Variants in NUB1 observed in about 807,000 individuals in gnomAD.
NUB1 encodes the protein negative regulator of ubiquitin like proteins 1, also known as NEDD8 ultimate buster 1.
In NUB1, 41 loss-of-function variants were observed where a neutral mutation model predicts 77.1. That is an observed-to-expected ratio of 0.53 (90% CI 0.41 to 0.69). The LOEUF (loss-of-function observed/expected upper bound fraction) is 0.69. Among genes scored for constraint, NUB1 ranks in the 30% least tolerant of loss-of-function variants. The probability of loss-of-function intolerance (pLI) is 0.00; values close to 1 mark genes in which losing one functional copy is unlikely to be tolerated. For synonymous variants in NUB1, 257 were observed against 281.0 expected, an observed-to-expected ratio of 0.91 and a Z score of 0.85; for missense variants, 643 against 743.8, an observed-to-expected ratio of 0.86 and a Z score of 1.58.
At chr7:151,371,566 G>A (rs1473586525) in intron 11 of NUB1, among the ~76,000 whole-genome samples, 4 of 152,166 alleles carry the variant, frequency 2.6e-5, no homozygotes, top group Non-Finnish European at 5.9e-5. Context: ...GCCACCTGGG[G>A]AGCTGGAGCA....
intron 14 of NUB1, 66 bp downstream of exon 14, chr7:151,376,877 C>T: frequency 6.7e-7 from 1 of 1,501,066 alleles, no homozygotes; most frequent in Non-Finnish European, 9.0e-7. Flanking sequence ...CAGATGTGGC[C>T]CTAAGCCACG....
At chr7:151,356,467 C>T (rs1409622315) in intron 7 of NUB1, among the ~76,000 whole-genome samples, 1 of 152,210 alleles carries the variant, frequency 6.6e-6, no homozygotes, top group Non-Finnish European at 1.5e-5. Context: ...TTTCAACATA[C>T]CTGAGGACAC....
chr7:151,375,784 A>C, intron 12 of NUB1, 64 bp from the exon 13 acceptor site: 7 of 1,048,368 alleles, frequency 6.7e-6, no homozygotes, highest in Non-Finnish European at 7.5e-6. Flanking sequence ...GGCAGGGTGC[A>C]GCGCCTGTCT....
At chr7:151,345,315 T>A in intron 1 of NUB1, 33 bp from the exon 2 acceptor site, 1 of 1,348,064 alleles carries the variant, frequency 7.4e-7, no homozygotes, top group Non-Finnish European at 1.1e-6. Flanking sequence ...AAATGCGATG[T>A]GGAGTTTTAT....
chr7:151,371,258 C>T (rs1289708510), intron 11 of NUB1, among the ~76,000 whole-genome samples: 4 of 152,062 alleles, frequency 2.6e-5, no homozygotes, highest in South Asian at 2.1e-4. Flanking sequence ...ATTTATTGGC[C>T]GTTTACTTGT....
Position 151,355,973 on chromosome 7 carries a change from C to A in NUB1, c.598+23C>A. On this transcript the variant is annotated intron_variant, in intron 6 of 14. Transcript: ENST00000568733. ...GAGGTACCCAGAGCTCTGGGCTTGTCACCCACTCAGCTGCTTGGGGGCAGC... is the reference window on the plus strand; with the variant it reads ...GAGGTACCCAGAGCTCTGGGCTTGTAACCCACTCAGCTGCTTGGGGGCAGC... 3 of 1,610,954 alleles carry A rather than the reference C, an allele frequency of 1.9e-6. No homozygotes were observed. In the South Asian group the frequency reaches 3.3e-5, roughly 18 times the overall value.
At chr7:151,344,049 C>T (rs1407007843) in intron 1 of NUB1, among the ~76,000 whole-genome samples, 2 of 150,536 alleles carry the variant, frequency 1.3e-5, no homozygotes, top group South Asian at 2.1e-4. Context: ...GGCGTGGTGG[C>T]GGGCGCCTGT....
At chr7:151,367,154 C>T (rs780426472) in intron 9 of NUB1, 29 bp downstream of exon 9, 25 of 1,554,788 alleles carry the variant, frequency 1.6e-5, no homozygotes, top group South Asian at 3.4e-5. Flanking sequence ...TCTTATGTCT[C>T]GTTGAGTCCA....
chr7:151,356,594 C>T (rs1797072379), intron 7 of NUB1, among the ~76,000 whole-genome samples: 1 of 152,182 alleles, frequency 6.6e-6, no homozygotes, highest in African/African-American at 2.4e-5. Context: ...GAAACTGTGT[C>T]GTTTGGGAAA....
chr7:151,348,966 G>A (rs970321220), intron 2 of NUB1, 107 bp from the exon 3 acceptor site: 8 of 944,762 alleles, frequency 8.5e-6, no homozygotes, highest in African/African-American at 3.3e-5. Flanking sequence ...GTAACGGGGC[G>A]ACCTCCACTC....
At position 151,341,850 on chromosome 7, in the gene NUB1, A is replaced by T; in HGVS notation, c.-3+4A>T. ...CGGCGGGAGTGGCGTGGCGCAGGTGAGGACACGGCGGCCGAGTGTCCTCGA... is the reference window on the plus strand; with the variant it reads ...CGGCGGGAGTGGCGTGGCGCAGGTGTGGACACGGCGGCCGAGTGTCCTCGA... On this transcript the variant is annotated splice_donor_region_variant and intron_variant, in intron 1 of 14. Transcript: ENST00000568733. The T allele has an allele frequency of 6.7e-7, 1 of 1,499,802 alleles. No homozygotes were observed. 92.9% of individuals were successfully genotyped at this position (1,499,802 alleles called of 1,614,324 possible).
rs1335145142 is a variant in NUB1, at chr7:151,376,779, C to T, written c.1637C>T (p.Ser546Phe). Residue 546 changes from serine (S) to phenylalanine (F), a missense_variant, in exon 14 of 15, where the codon TCC becomes TTC. Ser to Phe is a radical substitution (Grantham distance 155, BLOSUM62 -2). Coordinates refer to ENST00000568733, the MANE Select transcript of NUB1 (RefSeq NM_001243351.2). Reference sequence around the variant, plus strand: ...CCGCTGTCGCCAGAAGACTCTTTGTCCCCGCCAGCCACGTCCCCTTCTGAC... The same window carrying T: ...CCGCTGTCGCCAGAAGACTCTTTGTTCCCGCCAGCCACGTCCCCTTCTGAC... ...ELPLSPEDSL[S>F]PPATSPSDSA... 1.3e-6 allele frequency: 2 copies of T among 1,591,914 alleles called. No individual in the cohort carries two copies. Among genetic ancestry groups the T allele is most frequent in the Non-Finnish European group, 1.7e-6 (2 of 1,170,236 alleles).
intron 5 of NUB1, among the ~76,000 whole-genome samples, chr7:151,353,207 G>T (rs1326542923): frequency 6.6e-6 from 1 of 152,186 alleles, no homozygotes; most frequent in African/African-American, 2.4e-5. Context: ...GCTGTGTCAG[G>T]ACAGTGGGGA....
chr7:151,367,182 T>C (rs1222008659), intron 9 of NUB1, 57 bp downstream of exon 9: 19 of 1,425,266 alleles, frequency 1.3e-5, no homozygotes, highest in Middle Eastern at 1.8e-4. Context: ...CATTTGTGTT[T>C]ATTCCTGTTA....
At chr7:151,365,812 G>A (rs753413124) in intron 8 of NUB1, among the ~76,000 whole-genome samples, 13 of 152,060 alleles carry the variant, frequency 8.5e-5, no homozygotes, top group African/African-American at 2.4e-4. Context: ...TTTTCTTGCC[G>A]CACCCACAAC....
chr7:151,374,276 C>T (rs1798102170), intron 12 of NUB1, 33 bp downstream of exon 12: 2 of 1,549,844 alleles, frequency 1.3e-6, no homozygotes, highest in Non-Finnish European at 1.7e-6. Context: ...TGGCCTTGTC[C>T]CTGAGCAGTG....
At chr7:151,366,432 C>T (rs1372482407) in intron 8 of NUB1, among the ~76,000 whole-genome samples, 1 of 152,126 alleles carries the variant, frequency 6.6e-6, no homozygotes, top group Non-Finnish European at 1.5e-5. Context: ...ACACTAGAAT[C>T]AGCTGGGGAG....
At chr7:151,374,330 G>C (rs775250298) in intron 12 of NUB1, 87 bp downstream of exon 12, 1 of 1,471,544 alleles carries the variant, frequency 6.8e-7, no homozygotes, top group Non-Finnish European at 9.2e-7. Context: ...GCATCCTCCC[G>C]GGCTCACTCC....
intron 11 of NUB1, among the ~76,000 whole-genome samples, chr7:151,370,406 G>C (rs981607838): frequency 6.6e-6 from 1 of 152,116 alleles, no homozygotes; most frequent in African/African-American, 2.4e-5. Flanking sequence ...TGAGTTCTGT[G>C]TGTTTGAGTT....
Sources: allele counts gnomAD v4.1 joint callset (sites outside exome capture counted in the v4.1 genomes callset), GRCh38; gene constraint gnomAD v4.1.1; transcripts MANE v1.5; gene names NCBI Gene and HGNC (gene_info 2026-07-23, HGNC 2026-07-21).